Variants in DCTD observed in about 807,000 individuals in gnomAD.
DCTD encodes dCMP deaminase.
A neutral mutation model predicts 21.0 loss-of-function variants in DCTD; 23 were observed. The observed-to-expected ratio is 1.09, with a 90% CI of 0.79 to 1.55. DCTD has a LOEUF of 1.55. DCTD is among the 40% of genes most tolerant of loss of function. DCTD has a pLI of 0.00. For synonymous variants in DCTD, 71 were observed against 81.1 expected (o/e 0.88, Z 0.67); for missense variants, 224 against 230.0 (o/e 0.97, Z 0.17).
chr4:182,899,829 G>A (rs1735415394), intron 3 of DCTD, among the ~76,000 whole-genome samples: 1 of 152,108 alleles, frequency 6.6e-6, no homozygotes, highest in African/African-American at 2.4e-5. Flanking sequence ...GGGTGGTCTG[G>A]GGCTTCCATG....
chr4:182,891,550 A>C, intron 5 of DCTD, 73 bp from the exon 6 acceptor site: 1 of 1,063,564 alleles, frequency 9.4e-7, no homozygotes. Flanking sequence ...GGCTTAACTC[A>C]TATTTTCTGT....
chr4:182,893,697 C>G (rs1038645862), intron 4 of DCTD, among the ~76,000 whole-genome samples: 1 of 152,254 alleles, frequency 6.6e-6, no homozygotes, highest in African/African-American at 2.4e-5. Flanking sequence ...GTGTGGGGCC[C>G]GGACTGCTCG....
intron 3 of DCTD, among the ~76,000 whole-genome samples, chr4:182,905,785 C>T (rs932234550): frequency 1.3e-5 from 2 of 152,170 alleles, no homozygotes; most frequent in African/African-American, 2.4e-5. Flanking sequence ...CGGGACTAAT[C>T]CCCAACTCAT....
chr4:182,917,345 C>T lies in DCTD; in HGVS notation c.-42G>A, dbSNP rs1009917931. ...CCGGCTCCGCGCGCAGGCCGGTGCT[C>T]GTCCCCGCCGCCGCCGTGCTCAGGG... On this transcript the variant is annotated 5_prime_UTR_variant, in exon 1 of 6. Coordinates refer to ENST00000438320, the MANE Select transcript of DCTD (RefSeq NM_001921.3). This position sits in a 1 kb window ranked among gnomAD's most constrained non-coding sequence, Gnocchi z 4.9. The T allele has an allele frequency of 4.6e-6, 5 of 1,094,716 alleles. No individual in the cohort carries two copies. The highest frequency in any genetic ancestry group is 5.5e-6 in the Non-Finnish European group (5 of 901,326). 67.8% of individuals were successfully genotyped at this position (1,094,716 alleles called of 1,614,324 possible).
intron 4 of DCTD, among the ~76,000 whole-genome samples, chr4:182,893,973 T>A (rs992260238): frequency 6.6e-6 from 1 of 152,232 alleles, no homozygotes; most frequent in Non-Finnish European, 1.5e-5. Context: ...AGGCGAAATA[T>A]TCAGAATACA....
chr4:182,912,823 G>C (rs1441481487), intron 3 of DCTD, among the ~76,000 whole-genome samples: 2 of 152,130 alleles, frequency 1.3e-5, no homozygotes, highest in African/African-American at 4.8e-5. Flanking sequence ...ACTGAAGAAG[G>C]CACAGGCCCC....
chr4:182,904,612 C>T lies in DCTD; in HGVS notation c.245-10007G>A, dbSNP rs530272968. ...CTGCAGGTAGAAAATGGGAAGCAACCGCCCAACTCGAGATTCTCAGATAAG... is the reference window on the plus strand; with the variant it reads ...CTGCAGGTAGAAAATGGGAAGCAACTGCCCAACTCGAGATTCTCAGATAAG... On this transcript the variant is annotated intron_variant, in intron 3 of 5. Coordinates refer to ENST00000438320, the MANE Select transcript of DCTD (RefSeq NM_001921.3). Among the ~76,000 whole-genome samples, 5 of 152,222 alleles carry T rather than the reference C, an allele frequency of 3.3e-5. No homozygotes were observed. The East Asian group carries it at 7.7e-4, about 24-fold the overall frequency.
At position 182,898,213 on chromosome 4, in the gene DCTD, C is replaced by T. The variant is rs150072370; in HGVS notation, c.245-3608G>A. Among the ~76,000 whole-genome samples, 405 of 152,320 alleles carry T rather than the reference C, an allele frequency of 2.7e-3. 3 individuals carry two copies. The highest frequency in any genetic ancestry group is 9.3e-3 in the African/African-American group (386 of 41,576). ...CACTCGATGACTGCCTGGCCTGTGA[C>T]GAGCTCATGCCTGCCCTGGCTGGCC... is the stretch of plus-strand genomic sequence containing the variant. On this transcript the variant is annotated intron_variant, in intron 3 of 5. Transcript: ENST00000438320.
intron 3 of DCTD, among the ~76,000 whole-genome samples, chr4:182,904,630 C>T (rs1362998078): frequency 1.3e-5 from 2 of 152,136 alleles, no homozygotes; most frequent in Non-Finnish European, 2.9e-5. Flanking sequence ...TCGAGATTCT[C>T]AGATAAGATG....
rs138373781 is a variant in DCTD at position 182,899,564 on chromosome 4, C to T, written c.245-4959G>A. 3.1e-3 allele frequency among the ~76,000 whole-genome samples: 465 copies of T among 152,206 alleles called. 1 individual carries two copies. The highest frequency in any genetic ancestry group is 9.9e-3 in the African/African-American group (410 of 41,530). On this transcript the variant is annotated intron_variant, in intron 3 of 5. Coordinates refer to ENST00000438320, the MANE Select transcript of DCTD (RefSeq NM_001921.3). ...TACAGGCACCCGTCACCATGCCCAGCTAATTCTTGTATTTTTAGTAGAAAC... is the reference window on the plus strand; with the variant it reads ...TACAGGCACCCGTCACCATGCCCAGTTAATTCTTGTATTTTTAGTAGAAAC...
At position 182,891,480 on chromosome 4, in the gene DCTD, A is replaced by G; in HGVS notation, c.459-3T>C. The G allele has an allele frequency of 6.3e-7, 1 of 1,598,080 alleles. No individual in the cohort carries two copies. The highest frequency in any genetic ancestry group is 8.6e-7 in the Non-Finnish European group (1 of 1,166,216). On this transcript the variant is annotated splice_region_variant and splice_polypyrimidine_tract_variant and intron_variant, in intron 5 of 5. Coordinates refer to ENST00000438320, the MANE Select transcript of DCTD (RefSeq NM_001921.3). ...TGCTGCACTTCGGTATGAATTTCCT[A>G]AAAATAAAAACAAAATACAATTATT...
At chr4:182,914,780 A>T in intron 3 of DCTD, 143 bp downstream of exon 3, 1 of 916,320 alleles carries the variant, frequency 1.1e-6, no homozygotes. Context: ...AGACAAGGCC[A>T]GGAAATTGGG....
Position 182,915,446 on chromosome 4 carries a change from G to A in DCTD, c.108+15C>T, listed in dbSNP as rs768450448. 2.1e-5 allele frequency: 32 copies of A among 1,512,538 alleles called. No individual in the cohort carries two copies. Among genetic ancestry groups the A allele is most frequent in the East Asian group, 4.5e-5 (2 of 44,422 alleles). The allele number at this position is 1,512,538 out of a possible 1,614,324, so 93.7% of individuals were successfully genotyped here. On this transcript the variant is annotated intron_variant, in intron 2 of 5. Transcript: ENST00000438320. ...CCTGTGAGTATCTAAGCATTCTCCC[G>A]TGAAATTCATTTACCTGGGAATTTG...
chr4:182,897,869 A>C (rs1338137106), intron 3 of DCTD, among the ~76,000 whole-genome samples: 3 of 152,108 alleles, frequency 2.0e-5, no homozygotes, highest in Non-Finnish European at 4.4e-5. Flanking sequence ...TGGTCCTGAA[A>C]TCCAGCTTCA....
At chr4:182,903,535 C>T (rs905313955) in intron 3 of DCTD, among the ~76,000 whole-genome samples, 11 of 152,166 alleles carry the variant, frequency 7.2e-5, no homozygotes, top group African/African-American at 2.4e-4. Context: ...GTTCTGTTTC[C>T]ACCCTGTGCC....
chr4:182,898,751 A>G (rs563732144), intron 3 of DCTD, among the ~76,000 whole-genome samples: 1 of 152,272 alleles, frequency 6.6e-6, no homozygotes, highest in South Asian at 2.1e-4. Context: ...CCTCCTTTCA[A>G]GATGAAATCA....
In DCTD at chr4:182,893,214, G is replaced by A. The variant is rs542138421; in HGVS notation, c.362-87C>T. 71 of 783,764 alleles carry A rather than the reference G, an allele frequency of 9.1e-5. 1 individual carries two copies. The highest frequency in any genetic ancestry group is 4.8e-4 in the Admixed American group (24 of 50,500). The allele number at this position is 783,764 out of a possible 1,614,324, so 48.6% of individuals were successfully genotyped here. A position where few individuals can be genotyped will look rare whatever the true frequency, so the allele number is the denominator to read the frequency against. ...CGGAAGCAGCTGGAGCACTTTCAGCGTCTATGATTAATGACCTTTTCTGAG... is the reference window on the plus strand; with the variant it reads ...CGGAAGCAGCTGGAGCACTTTCAGCATCTATGATTAATGACCTTTTCTGAG... On this transcript the variant is annotated intron_variant, in intron 4 of 5. Coordinates refer to ENST00000438320, the MANE Select transcript of DCTD (RefSeq NM_001921.3).
chr4:182,910,906 T>C (rs1229742163), intron 3 of DCTD, among the ~76,000 whole-genome samples: 1 of 152,204 alleles, frequency 6.6e-6, no homozygotes, highest in East Asian at 1.9e-4. Flanking sequence ...GTTTCCCTCC[T>C]CCCCACAAGG....
At chr4:182,912,149 C>CA (rs34737293) in intron 3 of DCTD, among the ~76,000 whole-genome samples, 5,972 of 82,162 alleles carry the variant, frequency 0.073, 107 homozygotes, top group Non-Finnish European at 0.08. Flanking sequence ...AAAACGAAAG[C>CA]AAAAAAAAAA....
Sources: allele counts gnomAD v4.1 joint callset (sites outside exome capture counted in the v4.1 genomes callset), GRCh38; gene constraint gnomAD v4.1.1; non-coding constraint Gnocchi (gnomAD v3.1); transcripts MANE v1.5; gene names NCBI Gene and HGNC (gene_info 2026-07-23, HGNC 2026-07-21).